Variants in MGST2 observed in about 807,000 individuals in gnomAD.
MGST2 encodes the protein glutathione peroxidase MGST2.
Under a neutral mutation model 16.6 loss-of-function variants are expected in MGST2, and 9 were observed. The ratio of observed to expected loss-of-function variants is 0.54; its 90% CI spans 0.33 to 0.95. The LOEUF is 0.95. MGST2 is among the 40% of genes least tolerant of loss of function. MGST2 has a pLI of 0.03. For synonymous variants in MGST2, 79 were observed against 68.0 expected, an observed-to-expected ratio of 1.16 and a Z score of -0.79; for missense variants, 159 against 175.1, an observed-to-expected ratio of 0.91 and a Z score of 0.52.
intron 5 of MGST2, chr4:139,719,329 G>T (rs1333524693): frequency 3.2e-6 from 5 of 1,586,338 alleles, no homozygotes; most frequent in African/African-American, 2.7e-5. Flanking sequence ...TTGATTAGGG[G>T]TTACCAAACA....
At chr4:139,685,614 C>G (rs1164641939) in intron 2 of MGST2, among the ~76,000 whole-genome samples, 1 of 152,118 alleles carries the variant, frequency 6.6e-6, no homozygotes, top group Non-Finnish European at 1.5e-5. Context: ...CCCATTTTCC[C>G]TTGTCAACAA....
chr4:139,747,851 C>T, the MGST2 span, among the ~76,000 whole-genome samples: 5 of 151,692 alleles, frequency 3.3e-5, no homozygotes, highest in South Asian at 4.2e-4. Flanking sequence ...GTTAGGAGTT[C>T]GACACAAGCC....
At chr4:139,676,148 T>G (rs992332807) in intron 1 of MGST2, among the ~76,000 whole-genome samples, 1 of 152,184 alleles carries the variant, frequency 6.6e-6, no homozygotes, top group Non-Finnish European at 1.5e-5. Flanking sequence ...ATAAGTGAAA[T>G]TATTCAGTAG....
At chr4:139,684,829 T>G (rs1026480278) in intron 2 of MGST2, among the ~76,000 whole-genome samples, 6 of 152,156 alleles carry the variant, frequency 3.9e-5, no homozygotes, top group Non-Finnish European at 7.4e-5. Flanking sequence ...ACCCCCACCC[T>G]CTATTATTCC....
chr4:139,709,330 A>G (rs1317638209), intron 5 of MGST2, among the ~76,000 whole-genome samples: 2 of 151,856 alleles, frequency 1.3e-5, no homozygotes, highest in Non-Finnish European at 2.9e-5. Context: ...TGATCCGCCC[A>G]CCTCAGCCTC....
At chr4:139,669,122 A>C (rs1375063904) in intron 1 of MGST2, among the ~76,000 whole-genome samples, 1 of 152,212 alleles carries the variant, frequency 6.6e-6, no homozygotes, top group Admixed American at 6.5e-5. Flanking sequence ...AATGAGGCAC[A>C]TCTGACACCT....
At chr4:139,713,494 A>T (rs866082147) in intron 5 of MGST2, among the ~76,000 whole-genome samples, 1 of 151,446 alleles carries the variant, frequency 6.6e-6, no homozygotes, top group Non-Finnish European at 1.5e-5. Flanking sequence ...AAAAAAAAAA[A>T]AAAGGAGAAA....
chr4:139,705,095 G>A (rs547030082), downstream of MGST2, among the ~76,000 whole-genome samples: 205 of 152,190 alleles, frequency 1.3e-3, no homozygotes, highest in Middle Eastern at 3.4e-3. Context: ...CACCCAGGCC[G>A]GAGCCTCCAA....
At chr4:139,752,878 C>T in the MGST2 span, among the ~76,000 whole-genome samples, 1 of 152,166 alleles carries the variant, frequency 6.6e-6, no homozygotes, top group Non-Finnish European at 1.5e-5. Context: ...TTAGCTACTT[C>T]CTTGTGGTGA....
intron 5 of MGST2, among the ~76,000 whole-genome samples, chr4:139,714,331 T>C (rs1206320346): frequency 1.3e-5 from 2 of 152,322 alleles, no homozygotes; most frequent in South Asian, 2.1e-4. Context: ...ACACTGATTT[T>C]TTCCCCCCAT....
Position 139,735,179 on chromosome 4 carries a change from G to A in MGST2, c.*49-5033G>A, listed in dbSNP as rs1293862398. Among the ~76,000 whole-genome samples the A allele has an allele frequency of 1.3e-5, 2 of 152,240 alleles. No homozygotes were observed. The highest frequency in any genetic ancestry group is 4.8e-5 in the African/African-American group (2 of 41,462). ...CTGGCAACTGAGAGCACAATACCGA[G>A]CAGATGGTGTTCGCACGGCGTGATG... On this transcript the variant is annotated intron_variant, in intron 5 of 5. Coordinates refer to the MGST2 transcript ENST00000616265. The surrounding 1 kb of genome is among the most constrained non-coding windows in gnomAD (Gnocchi z 5.8).
chr4:139,700,802 G>A (rs1727209545), intron 3 of MGST2, among the ~76,000 whole-genome samples: 1 of 152,176 alleles, frequency 6.6e-6, no homozygotes, highest in African/African-American at 2.4e-5. Context: ...TTAACAGTGA[G>A]TCAGACCAGC....
rs535041202 is a variant in MGST2, at chr4:139,698,519, G to A, written c.229+3252G>A. On this transcript the variant is annotated intron_variant, in intron 3 of 4. Coordinates refer to ENST00000265498, the MANE Select transcript of MGST2 (RefSeq NM_002413.5). The stretch of plus-strand genomic sequence containing the variant: ...GTTGCTTCCTGGGTGCTTTACCACC[G>A]GTCGATTTGCGGGCAGTCTGCTTTG... The A allele has an allele frequency of 3.1e-4, 356 of 1,140,024 alleles. 1 individual carries two copies. Among genetic ancestry groups the A allele is most frequent in the South Asian group, 4.4e-4 (35 of 80,328 alleles). The allele number at this position is 1,140,024 out of a possible 1,614,324, so 70.6% of individuals were successfully genotyped here.
At chr4:139,719,124 T>C (rs1728115842) in intron 5 of MGST2, 2 of 594,212 alleles carry the variant, frequency 3.4e-6, no homozygotes, top group Admixed American at 3.5e-5. Context: ...CTCATCTCGA[T>C]TGCTGTGTGA....
chr4:139,691,113 C>T (rs1373325167), intron 2 of MGST2, among the ~76,000 whole-genome samples: 8 of 152,188 alleles, frequency 5.3e-5, no homozygotes, highest in Non-Finnish European at 1.0e-4. Context: ...AGAGGGCTCT[C>T]GCCAGGGAAT....
the MGST2 span, among the ~76,000 whole-genome samples, chr4:139,746,662 C>G: frequency 6.6e-6 from 1 of 152,256 alleles, no homozygotes. Context: ...AACAAGATTC[C>G]GCAGACGTTT....
At chr4:139,678,923 G>C (rs981470041) in intron 2 of MGST2, 3 of 512,712 alleles carry the variant, frequency 5.9e-6, no homozygotes, top group African/African-American at 5.7e-5. Flanking sequence ...AGGGTCACTG[G>C]GTCAAAGAGG....
At chr4:139,744,291 G>A (rs1729255347), downstream of MGST2, among the ~76,000 whole-genome samples, 1 of 152,170 alleles carries the variant, frequency 6.6e-6, no homozygotes, top group South Asian at 2.1e-4. Context: ...TATCCTTAGT[G>A]TCATTTTCAG....
the MGST2 span, among the ~76,000 whole-genome samples, chr4:139,746,594 T>C: frequency 6.6e-6 from 1 of 152,208 alleles, no homozygotes; most frequent in African/African-American, 2.4e-5. Context: ...TCTCCCCATC[T>C]GTCTCTCTCG....
Sources: allele counts gnomAD v4.1 joint callset (sites outside exome capture counted in the v4.1 genomes callset), GRCh38; gene constraint gnomAD v4.1.1; non-coding constraint Gnocchi (gnomAD v3.1); transcripts MANE v1.5; gene names NCBI Gene and HGNC (gene_info 2026-07-23, HGNC 2026-07-21).